Variants in TMPRSS9 observed in about 807,000 individuals in gnomAD.
TMPRSS9 encodes the protein transmembrane protease serine 9.
In TMPRSS9, 113 loss-of-function variants were observed where a neutral mutation model predicts 111.4. The ratio of observed to expected loss-of-function variants is 1.01; its 90% CI spans 0.87 to 1.19. The LOEUF is 1.19. TMPRSS9 is among the 50% of genes most tolerant of loss of function. The pLI, the probability that TMPRSS9 is intolerant of heterozygous loss-of-function variation, is 0.00. For missense variants in TMPRSS9, 1,803 were observed against 1,513.1 expected, an observed-to-expected ratio of 1.19 and a Z score of -3.18; for synonymous variants, 805 against 659.1, an observed-to-expected ratio of 1.22 and a Z score of -3.39.
intron 5 of TMPRSS9, 77 bp from the exon 7 acceptor site, chr19:2,403,005 C>G (rs1478930440): frequency 2.0e-6 from 2 of 988,894 alleles, no homozygotes; most frequent in Non-Finnish European, 3.2e-6. Flanking sequence ...CCTGGTGGTA[C>G]TAAGTATAGC....
At chr19:2,424,899 A>G (rs889688152) in intron 15 of TMPRSS9, 103 bp from the exon 17 acceptor site, 5 of 1,332,806 alleles carry the variant, frequency 3.8e-6, no homozygotes, top group Non-Finnish European at 3.8e-6. Context: ...CAAGAGGCCA[A>G]TAACCCTGCC....
At position 2,362,673 on chromosome 19, in the gene TMPRSS9, A is replaced by G. The variant is rs117485310; in HGVS notation, c.-26+2313A>G. 1.9e-3 allele frequency among the ~76,000 whole-genome samples: 295 copies of G among 152,126 alleles called. 8 individuals carry two copies. In the East Asian group the frequency reaches 0.051, roughly 26 times the overall value. On this transcript the variant is annotated intron_variant, in intron 1 of 17. Transcript: ENST00000649857. ...GTTGTGATTGTATCAGTGTATGACT[A>G]TATGTGTGAAGTTGTGTTTAGCTGT... is the stretch of plus-strand genomic sequence containing the variant.
intron 1 of TMPRSS9, among the ~76,000 whole-genome samples, 154 bp downstream of exon 2, chr19:2,390,081 G>C (rs1337404619): frequency 1.3e-5 from 2 of 152,106 alleles, no homozygotes; most frequent in East Asian, 3.9e-4. Flanking sequence ...CGGGTGGGCG[G>C]GGAGTGGAGC....
upstream of TMPRSS9, among the ~76,000 whole-genome samples, chr19:2,386,909 T>G (rs1160944327): frequency 1.3e-5 from 2 of 151,450 alleles, no homozygotes; most frequent in East Asian, 3.9e-4. Context: ...TGAGAATCAC[T>G]TGAACCTGAG....
chr19:2,381,029 G>C (rs566562798), intron 1 of TMPRSS9, among the ~76,000 whole-genome samples: 2 of 152,176 alleles, frequency 1.3e-5, no homozygotes, highest in Non-Finnish European at 2.9e-5. Context: ...CAAAGTTTCT[G>C]GTTGTGCTTC....
intron 1 of TMPRSS9, among the ~76,000 whole-genome samples, chr19:2,371,725 A>G (rs946199401): frequency 5.1e-4 from 69 of 134,370 alleles, no homozygotes; most frequent in African/African-American, 1.7e-3. Flanking sequence ...AAAAAAAAAA[A>G]CAAAACTAGA....
intron 4 of TMPRSS9, among the ~76,000 whole-genome samples, chr19:2,400,789 C>T (rs1970819305): frequency 6.6e-6 from 1 of 151,106 alleles, no homozygotes; most frequent in Admixed American, 6.6e-5. Flanking sequence ...GCCGGGCCAA[C>T]ACGGTGAAAC....
intron 1 of TMPRSS9, among the ~76,000 whole-genome samples, chr19:2,382,160 C>G (rs1970392808): frequency 6.6e-6 from 1 of 152,114 alleles, no homozygotes; most frequent in Non-Finnish European, 1.5e-5. Flanking sequence ...GATTAACAAC[C>G]AAAACGTTTC....
intron 8 of TMPRSS9, among the ~76,000 whole-genome samples, chr19:2,408,919 A>T (rs1971031191): frequency 6.7e-6 from 1 of 150,146 alleles, no homozygotes; most frequent in African/African-American, 2.4e-5. Context: ...AACCCAGGAG[A>T]TGGAGGTTGC....
intron 13 of TMPRSS9, 112 bp from the exon 15 acceptor site, chr19:2,421,742 T>C (rs1971465860): frequency 8.0e-7 from 1 of 1,247,626 alleles, no homozygotes; most frequent in Non-Finnish European, 1.1e-6. Context: ...CTGTGCCCTC[T>C]GCCCCCCGCC....
At chr19:2,363,808 G>GCA (rs1491395955) in intron 1 of TMPRSS9, among the ~76,000 whole-genome samples, 4 of 116,064 alleles carry the variant, frequency 3.4e-5, no homozygotes, top group African/African-American at 1.6e-4. Context: ...GTGTGTGCGT[G>GCA]CGCGCGTGTG....
At chr19:2,415,801 G>C in exon 11 of TMPRSS9, 1 of 1,604,424 alleles carries the variant, frequency 6.2e-7, no homozygotes, top group South Asian at 1.1e-5. Flanking sequence ...AACTGTGGTG[G>C]GGGACCGCTG....
At chr19:2,413,962 C>T (rs370290842) in exon 10 of TMPRSS9, 20 of 1,611,406 alleles carry the variant, frequency 1.2e-5, no homozygotes, top group Middle Eastern at 1.6e-4. Flanking sequence ...CCCACCAAAT[C>T]GATGCAGGCC....
At chr19:2,397,069 C>T (rs776820943) in intron 2 of TMPRSS9, among the ~76,000 whole-genome samples, 20 of 151,838 alleles carry the variant, frequency 1.3e-4, no homozygotes, top group Non-Finnish European at 2.1e-4. Context: ...TACAGGTGCA[C>T]GCCACCACGT....
intron 1 of TMPRSS9, among the ~76,000 whole-genome samples, chr19:2,360,773 G>A (rs1423646795): frequency 1.3e-5 from 2 of 151,770 alleles, no homozygotes; most frequent in Admixed American, 1.3e-4. Flanking sequence ...GTGGACTCAG[G>A]TGTGGTGTGT....
chr19:2,416,380 TTCCCTGGTCCTCC>T, intron 11 of TMPRSS9, 145 bp from the exon 13 acceptor site: 1 of 972,660 alleles, frequency 1.0e-6, no homozygotes. Context: ...CAGCCCCTCT[TTCCCTGGTCCTCC>T]TCCCTGGAGC....
intron 11 of TMPRSS9, 37 bp downstream of exon 12, chr19:2,415,878 C>T (rs756945675): frequency 4.6e-6 from 7 of 1,537,510 alleles, no homozygotes; most frequent in Middle Eastern, 2.1e-4. Flanking sequence ...TGCCCGGCTT[C>T]CCCTCCTCAC....
chr19:2,419,748 CT>C (rs1325554308), intron 13 of TMPRSS9, among the ~76,000 whole-genome samples: 1 of 151,984 alleles, frequency 6.6e-6, no homozygotes, highest in Non-Finnish European at 1.5e-5. Context: ...AACTCCTGAC[CT>C]CAGGTGATCC....
chr19:2,393,180 T>C (rs1391077473), intron 1 of TMPRSS9, among the ~76,000 whole-genome samples: 3 of 152,090 alleles, frequency 2.0e-5, no homozygotes, highest in African/African-American at 7.2e-5. Flanking sequence ...TTTCACAGTG[T>C]AGAGGATTTG....
Sources: gnomAD v4.1 joint callset for allele counts (sites outside exome capture counted in the v4.1 genomes callset) on GRCh38, gnomAD v4.1.1 for gene constraint, MANE v1.5 for transcripts, NCBI Gene and HGNC (gene_info 2026-07-23, HGNC 2026-07-21) for gene names.